NT5C: variants seen among roughly 807,000 people sequenced by gnomAD.
NT5C encodes the protein 5'(3')-deoxyribonucleotidase, cytosolic type.
NT5C carries 14 observed loss-of-function variants against 17.6 expected under a neutral mutation model. That is an observed-to-expected ratio of 0.79 (90% CI 0.52 to 1.24). The LOEUF (loss-of-function observed/expected upper bound fraction) is 1.24, where lower values mean the gene tolerates loss of function less well. Among genes scored for constraint, NT5C ranks in the 50% most tolerant of loss-of-function variants. NT5C has a pLI of 0.00. For synonymous variants in NT5C, 153 were observed against 119.2 expected (o/e 1.28, Z -1.85); for missense variants, 328 against 278.3 (o/e 1.18, Z -1.27).
In NT5C at chr17:75,131,714, CG is replaced by C. The variant is rs1377017033; in HGVS notation, c.-8del. On this transcript the variant is annotated 5_prime_UTR_variant, in exon 1 of 5. Coordinates refer to ENST00000245552, the MANE Select transcript of NT5C (RefSeq NM_014595.3). ...CGCGCACGCTCCGCGCCATCGCCGC[CG>C]GGCCGGAGCTGCGAGCTCTCGGGGT... 7.9e-7 allele frequency: 1 copy of C among 1,271,980 alleles called. No individual in the cohort carries two copies. The highest frequency in any genetic ancestry group is 1.5e-5 in the African/African-American group (1 of 64,652). The allele number at this position is 1,271,980 out of a possible 1,614,324, so 78.8% of individuals were successfully genotyped here.
rs376464759 is a variant in NT5C at position 75,130,740 on chromosome 17, T to A, written c.451+13A>T. The A allele has an allele frequency of 3.7e-4, 594 of 1,614,044 alleles. 6 individuals carry two copies. The highest frequency in any genetic ancestry group is 2.6e-3 in the Middle Eastern group (16 of 6,062). ...CCAGAGGCCTGGAGGCTGCCAAGGA[T>A]AACGGGTCCAACCTCGAACTGTGTC... On this transcript the variant is annotated intron_variant, in intron 4 of 4. Coordinates refer to ENST00000245552, the MANE Select transcript of NT5C (RefSeq NM_014595.3).
At chr17:75,131,428 GC>G (rs1217551243) in intron 1 of NT5C, 105 bp downstream of exon 1, 13 of 1,399,736 alleles carry the variant, frequency 9.3e-6, no homozygotes, top group Admixed American at 2.8e-5. Flanking sequence ...AGGGTGCGCT[GC>G]CCGCGGGTTC....
chr17:75,130,807 C>CACA lies in NT5C; in HGVS notation c.396_397insTGT (p.Arg132_Asp133insCys), dbSNP rs756780510. 7 of 1,614,160 alleles carry CACA rather than the reference C, an allele frequency of 4.3e-6. No homozygotes were observed. In the Admixed American group the frequency reaches 1.2e-4, roughly 27 times the overall value. ...AGGTCCCCCAAGACCACCGTCTTGT[C>CACA]CCTTGTCAGGATAATTCGTTCTACG... On this transcript the variant is annotated inframe_insertion, in exon 4 of 5. Coordinates refer to ENST00000245552, the MANE Select transcript of NT5C (RefSeq NM_014595.3).
rs371742010 is a variant in NT5C, at chr17:75,131,082, C to A, written c.299G>T (p.Ser100Ile). 1.3e-5 allele frequency: 21 copies of A among 1,613,024 alleles called. No individual in the cohort carries two copies. Among genetic ancestry groups the A allele is most frequent in the African/African-American group, 1.2e-4 (9 of 74,924 alleles). The change falls in exon 3 of 5, where the codon AGC (serine) becomes ATC (isoleucine). Residue 100 changes from serine (S) to isoleucine (I), a missense_variant. Coordinates refer to ENST00000245552, the MANE Select transcript of NT5C (RefSeq NM_014595.3). ...ACAGTGGTGGTACTTCAGCAGGGGG[C>A]TGGTGCAGATGAAGACCTGCGTGCT... ...LPDTQVFICT[S>I]PLLKYHHCVG...
rs1451677614 is a variant in NT5C at position 75,130,879 on chromosome 17, ACAC to A, written c.337-15_337-13del. 2 of 1,613,610 alleles carry A rather than the reference ACAC, an allele frequency of 1.2e-6. No homozygotes were observed. Among genetic ancestry groups the A allele is most frequent in the Non-Finnish European group, 1.7e-6 (2 of 1,179,624 alleles). On this transcript the variant is annotated splice_polypyrimidine_tract_variant and intron_variant, in intron 3 of 4. Transcript: ENST00000245552. ...TCCACCCAGCGGTACTGTGTAGAAA[ACAC>A]AGTCTGTGAGTAGGGCCTGATGGAA...
At chr17:75,131,382 C>T in intron 1 of NT5C, 101 bp from the exon 2 acceptor site, 2 of 1,424,860 alleles carry the variant, frequency 1.4e-6, no homozygotes, top group South Asian at 1.3e-5. Flanking sequence ...GCGGAGGGGG[C>T]GTCGGTCAGG....
chr17:75,131,111 G>A lies in NT5C; in HGVS notation c.276-6C>T. On this transcript the variant is annotated splice_polypyrimidine_tract_variant and splice_region_variant and intron_variant, in intron 2 of 4. Transcript: ENST00000245552. ...TGCAGATGAAGACCTGCGTGCTGCGGAGAAGGACGCGGTTACCGCCGGGAG... is the reference window on the plus strand; with the variant it reads ...TGCAGATGAAGACCTGCGTGCTGCGAAGAAGGACGCGGTTACCGCCGGGAG... The A allele has an allele frequency of 6.2e-7, 1 of 1,613,238 alleles. No individual in the cohort carries two copies. The highest frequency in any genetic ancestry group is 8.5e-7 in the Non-Finnish European group (1 of 1,179,944).
chr17:75,131,147 G>T (rs370290081), intron 2 of NT5C, 34 bp downstream of exon 2: 1 of 1,612,038 alleles, frequency 6.2e-7, no homozygotes, highest in African/African-American at 1.3e-5. Flanking sequence ...CCAGGAGCCC[G>T]CCCAGGACTC....
chr17:75,131,267 A>G lies in NT5C; in HGVS notation c.189T>C (p.Ser63=), dbSNP rs2074118909. Residue 63 remains serine, a synonymous_variant, in exon 2 of 5, where the codon AGT becomes AGC. Transcript: ENST00000245552. Reference sequence around the variant, plus strand: ...GGAAAAAGCCCGGGGCTTCGTACACACTGGCCACTTTATCCTGAAAGACAA... The same window carrying G: ...GGAAAAAGCCCGGGGCTTCGTACACGCTGGCCACTTTATCCTGAAAGACAA... ...LRPDLADKVA[S]VYEAPGFFLD... is the part of the protein sequence containing the mutation. The G allele has an allele frequency of 1.2e-6, 2 of 1,613,880 alleles. No individual in the cohort carries two copies. The highest frequency in any genetic ancestry group is 1.1e-5 in the South Asian group (1 of 91,080).
In NT5C at chr17:75,131,236, G is replaced by A; in HGVS notation, c.220C>T (p.Leu74=). 1.9e-6 allele frequency: 3 copies of A among 1,614,028 alleles called. No individual in the cohort carries two copies. Among genetic ancestry groups the A allele is most frequent in the South Asian group, 1.1e-5 (1 of 91,084 alleles). ...VYEAPGFFLD[L]EPIPGALDAV... The stretch of plus-strand genomic sequence containing the variant: ...TCCAAGGCTCCCGGGATGGGCTCCA[G>A]GTCCAGGAAAAAGCCCGGGGCTTCG... Residue 74 remains leucine, a synonymous_variant, in exon 2 of 5, where the codon CTG becomes TTG. Transcript: ENST00000245552.
At position 75,130,333 on chromosome 17, in the gene NT5C, G is replaced by T; in HGVS notation, c.*155C>A. Reference sequence around the variant, plus strand: ...CTCTCGGGAGGTACCGGGTGGCTGGGCCTGGGGCCCGGTAGCACAGCGCTT... The same window carrying T: ...CTCTCGGGAGGTACCGGGTGGCTGGTCCTGGGGCCCGGTAGCACAGCGCTT... On this transcript the variant is annotated 3_prime_UTR_variant, in exon 5 of 5. Transcript: ENST00000245552. 1.1e-6 allele frequency: 1 copy of T among 950,864 alleles called. No homozygotes were observed. The highest frequency in any genetic ancestry group is 1.6e-6 in the Non-Finnish European group (1 of 636,732). 58.9% of individuals were successfully genotyped at this position (950,864 alleles called of 1,614,324 possible).
At chr17:75,131,305 C>G (rs750590748) in intron 1 of NT5C, 24 bp from the exon 2 acceptor site, 1 of 1,609,118 alleles carries the variant, frequency 6.2e-7, no homozygotes, top group South Asian at 1.1e-5. Context: ...GTTCTGGGTC[C>G]CGGCTTCCCG....
Position 75,131,741 on chromosome 17 carries a change from C to G in NT5C, c.-34G>C, listed in dbSNP as rs915048469. ...GGCCGGAGCTGCGAGCTCTCGGGGT[C>G]TGGGGGGCGCGGGCTCGGCCGGAAG... is the stretch of plus-strand genomic sequence containing the variant. On this transcript the variant is annotated 5_prime_UTR_variant, in exon 1 of 5. Coordinates refer to ENST00000245552, the MANE Select transcript of NT5C (RefSeq NM_014595.3). The G allele has an allele frequency of 1.6e-6, 2 of 1,255,964 alleles. No homozygotes were observed. Among genetic ancestry groups the G allele is most frequent in the African/African-American group, 1.6e-5 (1 of 64,508 alleles). 77.8% of individuals were successfully genotyped at this position (1,255,964 alleles called of 1,614,324 possible). A position where few individuals can be genotyped will look rare whatever the true frequency, so the allele number is the denominator to read the frequency against.
At chr17:75,130,977 T>C (rs1371704851) in intron 3 of NT5C, 68 bp downstream of exon 3, 44 of 1,600,964 alleles carry the variant, frequency 2.7e-5, no homozygotes, top group Middle Eastern at 1.7e-4. Flanking sequence ...TCTGGGTTTC[T>C]GGTGGTTTCT....
Position 75,130,882 on chromosome 17 carries a change from C to A in NT5C, c.337-15G>T. 10 of 1,614,044 alleles carry A rather than the reference C, an allele frequency of 6.2e-6. No individual in the cohort carries two copies. Among genetic ancestry groups the A allele is most frequent in the Non-Finnish European group, 8.5e-6 (10 of 1,179,934 alleles). On this transcript the variant is annotated splice_polypyrimidine_tract_variant and intron_variant, in intron 3 of 4. Transcript: ENST00000245552. ...ACCCAGCGGTACTGTGTAGAAAACA[C>A]AGTCTGTGAGTAGGGCCTGATGGAA... is the stretch of plus-strand genomic sequence containing the variant.
At chr17:75,131,339 G>C in intron 1 of NT5C, 58 bp from the exon 2 acceptor site, 5 of 1,545,042 alleles carry the variant, frequency 3.2e-6, no homozygotes, top group Non-Finnish European at 4.4e-6. Flanking sequence ...CCGCAGGGAG[G>C]CTCCTGGGGG....
chr17:75,130,346 T>A lies in NT5C; in HGVS notation c.*142A>T. The A allele has an allele frequency of 9.2e-7, 1 of 1,083,276 alleles. No homozygotes were observed. 67.1% of individuals were successfully genotyped at this position (1,083,276 alleles called of 1,614,324 possible). On this transcript the variant is annotated 3_prime_UTR_variant, in exon 5 of 5. Coordinates refer to ENST00000245552, the MANE Select transcript of NT5C (RefSeq NM_014595.3). ...CCGGGTGGCTGGGCCTGGGGCCCGGTAGCACAGCGCTTAACGGTATCTGCC... is the reference window on the plus strand; with the variant it reads ...CCGGGTGGCTGGGCCTGGGGCCCGGAAGCACAGCGCTTAACGGTATCTGCC...
Position 75,131,638 on chromosome 17 carries a change from G to C in NT5C, c.70C>G (p.Arg24Gly), listed in dbSNP as rs751868164. The stretch of plus-strand genomic sequence containing the variant: ...TCAGGGAAGCGGCGGCGGAAGCCCC[G>C]CAGGAGGCCGGCCTCGAAGTCGGCC... ...VLADFEAGLL[R>G]GFRRRFPEEP... is the part of the protein sequence containing the mutation. The change falls in exon 1 of 5, where the codon CGG becomes GGG. Residue 24 changes from arginine to glycine, a missense_variant. Coordinates refer to ENST00000245552, the MANE Select transcript of NT5C (RefSeq NM_014595.3). 1.9e-5 allele frequency: 26 copies of C among 1,366,994 alleles called. No homozygotes were observed. Among genetic ancestry groups the C allele is most frequent in the Non-Finnish European group, 2.2e-5 (23 of 1,065,396 alleles). The allele number at this position is 1,366,994 out of a possible 1,614,324, so 84.7% of individuals were successfully genotyped here.
At chr17:75,130,666 CTG>C in intron 4 of NT5C, 24 bp from the exon 5 acceptor site, 1 of 1,614,030 alleles carries the variant, frequency 6.2e-7, no homozygotes, top group African/African-American at 1.3e-5. Flanking sequence ...AGACAGCGCG[CTG>C]CCATCTGTCA....
Sources: allele counts gnomAD v4.1 joint callset, GRCh38; gene constraint gnomAD v4.1.1; transcripts MANE v1.5; gene names NCBI Gene and HGNC (gene_info 2026-07-23, HGNC 2026-07-21).